The following CCDC171 variants were observed in gnomAD, a reference collection of about 807,000 sequenced individuals.
CCDC171 encodes coiled-coil domain-containing protein 171.
Under a neutral mutation model 168.2 loss-of-function variants are expected in CCDC171, and 177 were observed. The observed-to-expected ratio is 1.05, with a 90% confidence interval of 0.93 to 1.19. The LOEUF (loss-of-function observed/expected upper bound fraction) is 1.19, where lower values mean the gene tolerates loss of function less well. Ranked by LOEUF, CCDC171 falls within the 50% of genes most tolerant of loss-of-function variation. The pLI, the probability that CCDC171 is intolerant of heterozygous loss-of-function variation, is 0.00. For missense variants in CCDC171, 1,991 were observed against 1,539.0 expected (o/e 1.29, Z -4.91); for synonymous variants, 687 against 540.8 (o/e 1.27, Z -3.75).
intron 3 of CCDC171, among the ~76,000 whole-genome samples, chr9:16,005,278 C>G (rs1415496331): frequency 6.6e-6 from 1 of 152,200 alleles, no homozygotes; most frequent in Non-Finnish European, 1.5e-5. Context: ...GACTTTTTCA[C>G]ATAGCATAGT....
At chr9:15,693,334 G>C (rs920640397) in intron 10 of CCDC171, among the ~76,000 whole-genome samples, 2 of 152,050 alleles carry the variant, frequency 1.3e-5, no homozygotes, top group African/African-American at 4.8e-5. Flanking sequence ...TTGATGAAGG[G>C]CATCCTCCTA....
intron 21 of CCDC171, among the ~76,000 whole-genome samples, chr9:15,829,861 A>G (rs2060158967): frequency 6.6e-6 from 1 of 152,198 alleles, no homozygotes; most frequent in African/African-American, 2.4e-5. Context: ...TTGAGGCTGC[A>G]GTGAACCATG....
intron 4 of CCDC171, among the ~76,000 whole-genome samples, chr9:15,590,279 A>G (rs2041882585): frequency 6.6e-6 from 1 of 152,206 alleles, no homozygotes; most frequent in South Asian, 2.1e-4. Context: ...TGTATGATTG[A>G]TTCAAAATGC....
At chr9:15,675,832 A>G (rs1055608221) in intron 9 of CCDC171, among the ~76,000 whole-genome samples, 1 of 152,102 alleles carries the variant, frequency 6.6e-6, no homozygotes, top group South Asian at 2.1e-4. Flanking sequence ...ATCTTGGTGA[A>G]TCTGACAATC....
At chr9:16,073,185 C>T in the CCDC171 span, among the ~76,000 whole-genome samples, 2 of 152,172 alleles carry the variant, frequency 1.3e-5, no homozygotes, top group Admixed American at 6.5e-5. Flanking sequence ...CTGGAGTCAG[C>T]GGATGAGTAG....
intron 24 of CCDC171, among the ~76,000 whole-genome samples, chr9:15,879,368 A>G (rs923165101): frequency 2.6e-5 from 4 of 152,106 alleles, no homozygotes; most frequent in African/African-American, 9.7e-5. Context: ...TGATACCTAT[A>G]TACAATGTGC....
intron 25 of CCDC171, among the ~76,000 whole-genome samples, chr9:15,938,879 A>G (rs1322343571): frequency 6.6e-6 from 1 of 151,850 alleles, no homozygotes; most frequent in Non-Finnish European, 1.5e-5. Context: ...AAAAATATGA[A>G]TTTGTTTGAA....
chr9:16,007,188 G>A (rs1303414237), intron 3 of CCDC171, among the ~76,000 whole-genome samples: 6 of 152,144 alleles, frequency 3.9e-5, no homozygotes, highest in Non-Finnish European at 7.4e-5. Context: ...GCCAGTGATG[G>A]TGAGCATTTT....
chr9:16,066,621 C>A (rs1833994072), downstream of CCDC171, among the ~76,000 whole-genome samples: 2 of 125,190 alleles, frequency 1.6e-5, no homozygotes, highest in South Asian at 6.3e-4. Flanking sequence ...CTCCCCCCAC[C>A]CCACAACAGT....
chr9:16,073,180 G>A, the CCDC171 span, among the ~76,000 whole-genome samples: 4 of 152,312 alleles, frequency 2.6e-5, no homozygotes, highest in South Asian at 8.3e-4. Flanking sequence ...AGGAACTGGA[G>A]TCAGCGGATG....
At chr9:15,724,727 C>T in intron 13 of CCDC171, 49 bp from the exon 14 acceptor site, 1 of 1,288,468 alleles carries the variant, frequency 7.8e-7, no homozygotes, top group East Asian at 2.3e-5. Context: ...TCCCCTCACC[C>T]CTTGTTGGCT....
intron 21 of CCDC171, among the ~76,000 whole-genome samples, chr9:15,835,366 G>T (rs1173318626): frequency 2.0e-5 from 3 of 152,162 alleles, no homozygotes; most frequent in Non-Finnish European, 4.4e-5. Flanking sequence ...TTACTATTAT[G>T]ATATCCTGTG....
chr9:15,645,504 G>C (rs1234429486), intron 7 of CCDC171, among the ~76,000 whole-genome samples: 1 of 152,172 alleles, frequency 6.6e-6, no homozygotes. Context: ...GTTGAAAAAA[G>C]GTTGGACGAA....
intron 1 of CCDC171, among the ~76,000 whole-genome samples, chr9:16,056,775 A>G (rs1833849248): frequency 6.6e-6 from 1 of 152,220 alleles, no homozygotes; most frequent in Non-Finnish European, 1.5e-5. Context: ...GGTGTGAGCC[A>G]CTGTGGCCGG....
chr9:15,619,441 A>T (rs1176617196), intron 6 of CCDC171, among the ~76,000 whole-genome samples: 3 of 152,348 alleles, frequency 2.0e-5, no homozygotes, highest in Admixed American at 1.3e-4. Context: ...AGTGGTCTGG[A>T]TAGATCAAAC....
intron 11 of CCDC171, among the ~76,000 whole-genome samples, chr9:15,719,445 A>AGAGAGG (rs1554776019): frequency 0.01 from 626 of 62,414 alleles, 25 homozygotes; most frequent in African/African-American, 0.012. Context: ...AGAGAGAGAG[A>AGAGAGG]GAAAGTTTAT....
intron 21 of CCDC171, among the ~76,000 whole-genome samples, chr9:15,787,458 C>G (rs763247296): frequency 1.2e-4 from 18 of 152,078 alleles, no homozygotes; most frequent in Non-Finnish European, 2.6e-4. Flanking sequence ...AGATTTATCC[C>G]AGCTTCTTCC....
chr9:15,825,283 C>T (rs1400976705), intron 21 of CCDC171, among the ~76,000 whole-genome samples: 1 of 152,044 alleles, frequency 6.6e-6, no homozygotes, highest in Admixed American at 6.6e-5. Context: ...TGAGATCAGA[C>T]AATGCATAGA....
intron 3 of CCDC171, among the ~76,000 whole-genome samples, chr9:15,990,079 A>G (rs1055981501): frequency 6.6e-5 from 10 of 152,070 alleles, no homozygotes; most frequent in South Asian, 4.1e-4. Flanking sequence ...TACAGAGAAC[A>G]CCACAAAGAT....
Sources: allele counts gnomAD v4.1 joint callset (sites outside exome capture counted in the v4.1 genomes callset), GRCh38; gene constraint gnomAD v4.1.1; transcripts MANE v1.5; gene names NCBI Gene and HGNC (gene_info 2026-07-23, HGNC 2026-07-21).